MIS18A: variants seen among roughly 807,000 people sequenced by gnomAD.
MIS18A encodes MIS18 kinetochore protein A, also known as protein Mis18-alpha.
MIS18A carries 14 observed loss-of-function variants against 25.0 expected under a neutral mutation model. That is an observed-to-expected ratio of 0.56 (90% CI 0.37 to 0.88). MIS18A has a LOEUF of 0.88. Among genes scored for constraint, MIS18A ranks in the 40% least tolerant of loss-of-function variants. The probability of loss-of-function intolerance (pLI) is 0.00; values close to 1 mark genes in which losing one functional copy is unlikely to be tolerated. For synonymous variants in MIS18A, 134 were observed against 118.6 expected (o/e 1.13, Z -0.84); for missense variants, 292 against 290.8 (o/e 1.00, Z -0.03).
chr21:32,247,845 C>T, the MIS18A span, among the ~76,000 whole-genome samples: 1 of 152,226 alleles, frequency 6.6e-6, no homozygotes, highest in Non-Finnish European at 1.5e-5. Context: ...TTCAGCCCCT[C>T]AATCTGTGGT....
chr21:32,160,319 CACACACACACACAT>C, the MIS18A span, among the ~76,000 whole-genome samples: 13 of 123,690 alleles, frequency 1.1e-4, no homozygotes, highest in Admixed American at 2.5e-4. Context: ...CACACACACA[CACACACACACACAT>C]ACACCATTTC....
chr21:32,194,957 G>A, the MIS18A span, among the ~76,000 whole-genome samples: 165 of 152,244 alleles, frequency 1.1e-3, 1 homozygote, highest in African/African-American at 3.9e-3. Context: ...CCGTGTTCGG[G>A]TGATCCTGCG....
chr21:32,202,859 T>G, the MIS18A span, among the ~76,000 whole-genome samples: 1 of 152,224 alleles, frequency 6.6e-6, no homozygotes, highest in Admixed American at 6.5e-5. Context: ...ATACCACAGT[T>G]TGCTTATCCA....
chr21:32,274,199 T>A (rs2031766544), intron 2 of MIS18A, among the ~76,000 whole-genome samples: 1 of 54,908 alleles, frequency 1.8e-5, no homozygotes, highest in African/African-American at 1.2e-4. Flanking sequence ...CTTTTCTTCT[T>A]TTTTTTTTTT....
downstream of MIS18A, among the ~76,000 whole-genome samples, chr21:32,266,942 G>T (rs1374394118): frequency 6.6e-6 from 1 of 151,650 alleles, no homozygotes; most frequent in Non-Finnish European, 1.5e-5. Context: ...GTAGGTTTTA[G>T]CAGGTGGATA....
chr21:32,157,056 T>TC, the MIS18A span, among the ~76,000 whole-genome samples: 11 of 136,146 alleles, frequency 8.1e-5, no homozygotes, highest in Non-Finnish European at 1.5e-4. Flanking sequence ...CTTTCTTTCT[T>TC]TTTTTTTTTT....
chr21:32,278,222 T>A (rs1235398171), intron 1 of MIS18A: 1 of 160,954 alleles, frequency 6.2e-6, no homozygotes, highest in African/African-American at 2.4e-5. Context: ...CTTTCTTCCC[T>A]ATAGCACTGT....
the MIS18A span, among the ~76,000 whole-genome samples, chr21:32,156,085 A>T: frequency 3.3e-5 from 5 of 152,240 alleles, no homozygotes; most frequent in South Asian, 1.0e-3. Flanking sequence ...AAAGAAAAAG[A>T]TTTCCTTGAC....
At chr21:32,272,672 T>C (rs901166862) in intron 2 of MIS18A, among the ~76,000 whole-genome samples, 10 of 152,236 alleles carry the variant, frequency 6.6e-5, no homozygotes, top group Admixed American at 2.0e-4. Context: ...ATCTTCAGAG[T>C]TACTTTCTAG....
the MIS18A span, among the ~76,000 whole-genome samples, chr21:32,186,315 G>T: frequency 6.6e-6 from 1 of 152,322 alleles, no homozygotes; most frequent in Middle Eastern, 3.4e-3. Flanking sequence ...TAAAATAGAA[G>T]AAGACAGCAA....
the MIS18A span, among the ~76,000 whole-genome samples, chr21:32,161,369 C>T: frequency 2.0e-5 from 3 of 152,188 alleles, no homozygotes; most frequent in East Asian, 5.8e-4. Flanking sequence ...TATAAAATGT[C>T]CCTCATTTGA....
At chr21:32,251,782 G>A in the MIS18A span, among the ~76,000 whole-genome samples, 2 of 152,184 alleles carry the variant, frequency 1.3e-5, no homozygotes. Flanking sequence ...AATTACCGAA[G>A]GTGGGAGACT....
chr21:32,214,950 GCC>G, the MIS18A span, among the ~76,000 whole-genome samples: 1 of 152,208 alleles, frequency 6.6e-6, no homozygotes, highest in Admixed American at 6.5e-5. Flanking sequence ...GGGTCTAGCT[GCC>G]CCAGAGAACA....
downstream of MIS18A, among the ~76,000 whole-genome samples, chr21:32,263,788 C>G (rs2031549261): frequency 1.3e-5 from 2 of 150,154 alleles, 1 homozygote; most frequent in South Asian, 4.2e-4. Flanking sequence ...GCAAACCCAG[C>G]TGGGGTCGGG....
the MIS18A span, among the ~76,000 whole-genome samples, chr21:32,164,307 C>G: frequency 6.6e-6 from 1 of 152,118 alleles, no homozygotes; most frequent in African/African-American, 2.4e-5. Flanking sequence ...AGTTGCAGAG[C>G]CAGTATTAGC....
intron 2 of MIS18A, among the ~76,000 whole-genome samples, chr21:32,273,731 A>T (rs1034149248): frequency 1.3e-5 from 2 of 152,156 alleles, no homozygotes; most frequent in African/African-American, 2.4e-5. Context: ...AATTTTTTTT[A>T]AATTGAAATA....
chr21:32,265,270 G>A (rs1041088739), downstream of MIS18A, among the ~76,000 whole-genome samples: 5 of 152,080 alleles, frequency 3.3e-5, no homozygotes, highest in Non-Finnish European at 7.4e-5. Context: ...CACTGTGGGA[G>A]CCCCTTTCTG....
the MIS18A span, among the ~76,000 whole-genome samples, chr21:32,198,724 G>A: frequency 8.5e-4 from 130 of 152,380 alleles, 1 homozygote; most frequent in Middle Eastern, 6.8e-3. Flanking sequence ...CAAAGGGGCC[G>A]AAGACCCAGC....
the MIS18A span, chr21:32,260,048 C>A: frequency 1.4e-5 from 2 of 139,092 alleles, no homozygotes; most frequent in South Asian, 4.6e-4. Flanking sequence ...ATATGAAAAG[C>A]AATTTTGAAT....
Sources: allele counts gnomAD v4.1 joint callset (sites outside exome capture counted in the v4.1 genomes callset), GRCh38; gene constraint gnomAD v4.1.1; transcripts MANE v1.5; gene names NCBI Gene and HGNC (gene_info 2026-07-23, HGNC 2026-07-21).